The following ARHGAP39 variants were observed in gnomAD, a reference collection of about 807,000 sequenced individuals.
The protein encoded by ARHGAP39 is rho GTPase-activating protein 39.
A neutral mutation model predicts 106.9 loss-of-function variants in ARHGAP39; 44 were observed. The observed-to-expected ratio is 0.41, with a 90% CI of 0.32 to 0.53. The LOEUF (loss-of-function observed/expected upper bound fraction) is 0.53. Ranked by LOEUF, ARHGAP39 falls within the 20% of genes least tolerant of loss-of-function variation. The pLI is 0.21. For missense variants in ARHGAP39, 1,496 were observed against 1,577.3 expected (o/e 0.95, Z 0.87); for synonymous variants, 768 against 693.2 (o/e 1.11, Z -1.69).
chr8:144,583,029 T>C (rs142742406), intron 2 of ARHGAP39, among the ~76,000 whole-genome samples: 146 of 152,142 alleles, frequency 9.6e-4, no homozygotes, highest in African/African-American at 3.3e-3. Context: ...ACCCTTGGCG[T>C]ACACACCCAC....
intron 1 of ARHGAP39, among the ~76,000 whole-genome samples, chr8:144,678,426 G>C (rs73377701): frequency 3.9e-5 from 6 of 152,142 alleles, no homozygotes; most frequent in Non-Finnish European, 8.8e-5. Flanking sequence ...AGCGATCCAG[G>C]AGGCGCTCCC....
chr8:144,547,367 C>G lies in ARHGAP39; in HGVS notation c.1719G>C (p.Arg573Ser). Residue 573 changes from arginine (R) to serine (S), a missense_variant, in exon 5 of 12, where the codon AGG becomes AGC. Around this residue, in one of 4 missense-constraint regions of ARHGAP39, gnomAD observed 905 missense variants for 816.4 expected, o/e 1.11. Coordinates refer to ENST00000377307, the MANE Select transcript of ARHGAP39 (RefSeq NM_025251.3). The surrounding 1 kb of genome is among the most constrained non-coding windows in gnomAD (Gnocchi z 5.2). Reference sequence around the variant, plus strand: ...CGTCCTGCTGGGAGTCCCAGCTGCTCCTCTGCTTCATGTGGAAGTGGGCCT... The same window carrying G: ...CGTCCTGCTGGGAGTCCCAGCTGCTGCTCTGCTTCATGTGGAAGTGGGCCT... The part of the protein sequence containing the change: ...AQQAHFHMKQ[R>S]SSWDSQQDGS... 1 of 1,601,296 alleles carries G rather than the reference C, an allele frequency of 6.2e-7. No homozygotes were observed. The highest frequency in any genetic ancestry group is 8.5e-7 in the Non-Finnish European group (1 of 1,178,230).
upstream of ARHGAP39, among the ~76,000 whole-genome samples, chr8:144,688,896 A>T (rs1822688693): frequency 2.0e-5 from 3 of 152,328 alleles, no homozygotes; most frequent in South Asian, 6.2e-4. Flanking sequence ...TAAAAATTGC[A>T]CAAAATAATA....
chr8:144,532,626 T>A (rs939963381), intron 9 of ARHGAP39, among the ~76,000 whole-genome samples: 1 of 152,128 alleles, frequency 6.6e-6, no homozygotes, highest in Admixed American at 6.5e-5. Context: ...CAGGCCACCG[T>A]CCCTCCCTGG....
At chr8:144,692,590 G>C in the ARHGAP39 span, among the ~76,000 whole-genome samples, 1 of 152,090 alleles carries the variant, frequency 6.6e-6, no homozygotes, top group African/African-American at 2.4e-5. Context: ...GCTGTGGACC[G>C]GCTTGCTCTT....
At position 144,580,939 on chromosome 8, in the gene ARHGAP39, A is replaced by T. The variant is rs749753387; in HGVS notation, c.419T>A (p.Leu140Gln). The change falls in exon 3 of 12, where the codon CTG (leucine) becomes CAG (glutamine). Residue 140 changes from leucine (L) to glutamine (Q), a missense_variant. Coordinates refer to ENST00000377307, the MANE Select transcript of ARHGAP39 (RefSeq NM_025251.3). The part of the protein sequence containing the change: ...VSREGSTSSS[L>Q]EPEPDTEKAQ... ...TTTCTCAGTGTCGGGCTCGGGCTCC[A>T]GGGAGGAGCTGGTGCTGCCCTCACG... The T allele has an allele frequency of 2.4e-5, 38 of 1,605,522 alleles. 1 individual carries two copies. The South Asian group carries it at 4.2e-4, about 18-fold the overall frequency.
chr8:144,669,661 C>T (rs749956167), intron 1 of ARHGAP39, among the ~76,000 whole-genome samples: 2 of 151,864 alleles, frequency 1.3e-5, no homozygotes, highest in African/African-American at 4.8e-5. Context: ...ATAAAAAACA[C>T]ATAACTCAGT....
intron 1 of ARHGAP39, among the ~76,000 whole-genome samples, chr8:144,657,947 A>C (rs570074105): frequency 6.6e-6 from 1 of 152,356 alleles, no homozygotes; most frequent in Admixed American, 6.5e-5. Flanking sequence ...AAAAATAAAA[A>C]AACAACAATA....
At chr8:144,653,480 G>A (rs1821623151) in intron 1 of ARHGAP39, among the ~76,000 whole-genome samples, 1 of 152,120 alleles carries the variant, frequency 6.6e-6, no homozygotes, top group Admixed American at 6.6e-5. Context: ...GGAAAAAAGA[G>A]GCCCCTTCAA....
At chr8:144,550,427 C>T (rs1406827894) in intron 4 of ARHGAP39, among the ~76,000 whole-genome samples, 1 of 152,166 alleles carries the variant, frequency 6.6e-6, no homozygotes, top group Non-Finnish European at 1.5e-5. Context: ...CAGTGAGACC[C>T]CATCTCTAAA....
At position 144,679,265 on chromosome 8, in the gene ARHGAP39, C is replaced by T. The variant is rs766807424; in HGVS notation, c.-82+6421G>A. Among the ~76,000 whole-genome samples, 4 of 152,204 alleles carry T rather than the reference C, an allele frequency of 2.6e-5. No homozygotes were observed. The highest frequency in any genetic ancestry group is 1.9e-4 in the East Asian group (1 of 5,194). ...CCTCAGCTCTGCTCAGCACAGCGTC[C>T]GAGCAGGGGCTCACCTTCCCCATAG... On this transcript the variant is annotated intron_variant, in intron 1 of 11. Coordinates refer to ENST00000377307, the MANE Select transcript of ARHGAP39 (RefSeq NM_025251.3). This position sits in a 1 kb window ranked among gnomAD's most constrained non-coding sequence, Gnocchi z 4.7.
At chr8:144,602,107 C>CT (rs1002591698) in intron 2 of ARHGAP39, among the ~76,000 whole-genome samples, 9 of 125,876 alleles carry the variant, frequency 7.1e-5, no homozygotes, top group Non-Finnish European at 1.6e-5. Context: ...GCTCGTGTAC[C>CT]TGTGTGCATG....
At chr8:144,532,239 CAG>C in intron 10 of ARHGAP39, 64 bp downstream of exon 10, 1 of 1,471,924 alleles carries the variant, frequency 6.8e-7, no homozygotes, top group South Asian at 1.2e-5. Context: ...GAGGCGGAGA[CAG>C]GGGCCCCTGA....
At chr8:144,614,099 T>C (rs1820568290) in intron 1 of ARHGAP39, among the ~76,000 whole-genome samples, 1 of 152,260 alleles carries the variant, frequency 6.6e-6, no homozygotes, top group African/African-American at 2.4e-5. Flanking sequence ...TTGGATCTTT[T>C]AAAATACTTC....
intron 1 of ARHGAP39, among the ~76,000 whole-genome samples, chr8:144,608,225 G>A (rs1248648111): frequency 6.7e-6 from 1 of 148,812 alleles, no homozygotes; most frequent in African/African-American, 2.5e-5. Context: ...TTAATTTCTT[G>A]TTTGAGAGGA....
At chr8:144,556,230 A>G (rs1157953183) in intron 3 of ARHGAP39, among the ~76,000 whole-genome samples, 2 of 148,034 alleles carry the variant, frequency 1.4e-5, no homozygotes, top group Non-Finnish European at 3.0e-5. Context: ...GCGTGCAGTG[A>G]GCCGAGATGG....
intron 1 of ARHGAP39, among the ~76,000 whole-genome samples, chr8:144,651,424 C>A (rs141388180): frequency 6.6e-6 from 1 of 152,288 alleles, no homozygotes; most frequent in African/African-American, 2.4e-5. Context: ...CATATGCAGC[C>A]GGGCACAGTG....
chr8:144,584,735 C>T (rs955747010), intron 2 of ARHGAP39, among the ~76,000 whole-genome samples: 1 of 152,140 alleles, frequency 6.6e-6, no homozygotes, highest in Non-Finnish European at 1.5e-5. Context: ...TGCACTCAGG[C>T]CTGGGTGACA....
At chr8:144,550,429 A>C (rs1817649151) in intron 4 of ARHGAP39, among the ~76,000 whole-genome samples, 1 of 152,214 alleles carries the variant, frequency 6.6e-6, no homozygotes, top group Non-Finnish European at 1.5e-5. Context: ...GTGAGACCCC[A>C]TCTCTAAAAC....
Sources: allele counts gnomAD v4.1 joint callset (sites outside exome capture counted in the v4.1 genomes callset), GRCh38; gene constraint gnomAD v4.1.1; regional missense constraint gnomAD v4.1.1; non-coding constraint Gnocchi (gnomAD v3.1); transcripts MANE v1.5; gene names NCBI Gene and HGNC (gene_info 2026-07-23, HGNC 2026-07-21).